Variants in ATG7 observed in about 807,000 individuals in gnomAD.
ATG7 encodes ubiquitin-like modifier-activating enzyme ATG7.
Under a neutral mutation model 82.4 loss-of-function variants are expected in ATG7, and 70 were observed. The observed-to-expected ratio is 0.85, with a 90% CI of 0.70 to 1.04. The LOEUF is 1.04. Among genes scored for constraint, ATG7 ranks in the 50% least tolerant of loss-of-function variants. The pLI, the probability that ATG7 is intolerant of heterozygous loss-of-function variation, is 0.00. For synonymous variants in ATG7, 287 were observed against 313.0 expected (o/e 0.92, Z 0.88); for missense variants, 792 against 864.3 (o/e 0.92, Z 1.05).
At chr3:11,442,755 A>C (rs943586640) in intron 20 of ATG7, among the ~76,000 whole-genome samples, 3 of 145,352 alleles carry the variant, frequency 2.1e-5, no homozygotes, top group African/African-American at 5.3e-5. Flanking sequence ...AAAAAAAAAA[A>C]AAAAAAAAAA....
At chr3:11,421,440 ACT>A (rs2081936864) in intron 19 of ATG7, among the ~76,000 whole-genome samples, 1 of 152,076 alleles carries the variant, frequency 6.6e-6, no homozygotes, top group East Asian at 1.9e-4. Context: ...TCTAGAAACC[ACT>A]CTCTTTGCTT....
intron 20 of ATG7, among the ~76,000 whole-genome samples, chr3:11,483,843 T>A (rs2089306070): frequency 6.6e-6 from 1 of 152,178 alleles, no homozygotes; most frequent in Admixed American, 6.5e-5. Context: ...ATTGGCACAA[T>A]GTTTATTCCT....
intron 20 of ATG7, among the ~76,000 whole-genome samples, chr3:11,464,259 C>T (rs1291491102): frequency 6.6e-6 from 1 of 152,210 alleles, no homozygotes; most frequent in South Asian, 2.1e-4. Context: ...GAAGTCCCAG[C>T]TACTTGGGAG....
chr3:11,321,732 A>C (rs577093189), intron 9 of ATG7, among the ~76,000 whole-genome samples: 1 of 152,218 alleles, frequency 6.6e-6, no homozygotes, highest in Non-Finnish European at 1.5e-5. Flanking sequence ...GTGTATAAGC[A>C]TACAGTAACA....
intron 20 of ATG7, among the ~76,000 whole-genome samples, chr3:11,532,190 G>C (rs1031325882): frequency 1.3e-5 from 2 of 152,168 alleles, no homozygotes; most frequent in Non-Finnish European, 2.9e-5. Context: ...CGTGTATTGA[G>C]TATGATTTCT....
Position 11,493,422 on chromosome 3 carries a change from G to T in ATG7, c.2080-61389G>T, listed in dbSNP as rs114156307. On this transcript the variant is annotated intron_variant, in intron 20 of 20. Coordinates refer to ENST00000693202, the MANE Select transcript of ATG7 (RefSeq NM_001349232.2). ...GTTTTGCAAAAGGCAACATTCAATT[G>T]GTAAAAAGACATTATTCAGAAAGAA... Among the ~76,000 whole-genome samples, 1,283 of 152,256 alleles carry T rather than the reference G, an allele frequency of 8.4e-3. 13 individuals carry two copies. The highest frequency in any genetic ancestry group is 0.011 in the Admixed American group (162 of 15,294).
intron 19 of ATG7, among the ~76,000 whole-genome samples, chr3:11,410,876 T>C (rs531164529): frequency 6.6e-6 from 1 of 152,362 alleles, no homozygotes; most frequent in East Asian, 1.9e-4. Context: ...TACATGAGTG[T>C]ACAACTATTT....
intron 14 of ATG7, among the ~76,000 whole-genome samples, chr3:11,356,549 TAG>T (rs977963243): frequency 2.0e-5 from 3 of 152,194 alleles, no homozygotes; most frequent in Admixed American, 2.0e-4. Flanking sequence ...TTTTAGCAAG[TAG>T]AGATTTATTT....
Position 11,332,984 on chromosome 3 carries a change from C to T in ATG7, c.780C>T (p.Phe260=), listed in dbSNP as rs747440121. Residue 260 remains phenylalanine, a synonymous_variant, in exon 11 of 21, where the codon TTC becomes TTT. Transcript: ENST00000693202. ...GGCATGACAACAGGAGTAGCAGTTTCCAGTCTGTTGAAGTTGTTTGCTTCC... is the reference window on the plus strand; with the variant it reads ...GGCATGACAACAGGAGTAGCAGTTTTCAGTCTGTTGAAGTTGTTTGCTTCC... The part of the protein sequence containing the change: ...VLAAHRWSSS[F]QSVEVVCFRD... 6.5e-7 allele frequency: 1 copy of T among 1,544,848 alleles called. No individual in the cohort carries two copies. The highest frequency in any genetic ancestry group is 8.7e-7 in the Non-Finnish European group (1 of 1,146,234).
chr3:11,568,470 A>T, the ATG7 span: 1 of 1,259,578 alleles, frequency 7.9e-7, no homozygotes, highest in Non-Finnish European at 1.1e-6. This position sits in a 1 kb window ranked among gnomAD's most constrained non-coding sequence, Gnocchi z 5.9. Flanking sequence ...GGGGACTTCC[A>T]GGCCCACTAA....
At chr3:11,465,771 A>G (rs1487824918) in intron 20 of ATG7, among the ~76,000 whole-genome samples, 1 of 151,996 alleles carries the variant, frequency 6.6e-6, no homozygotes, top group Non-Finnish European at 1.5e-5. Context: ...TCAAAAAAAT[A>G]AAAATAAAAA....
At chr3:11,395,990 A>T (rs2079232594) in intron 19 of ATG7, among the ~76,000 whole-genome samples, 1 of 147,024 alleles carries the variant, frequency 6.8e-6, no homozygotes, top group Non-Finnish European at 1.5e-5. Context: ...AGTAAAAGTG[A>T]AGGTATTAAA....
chr3:11,347,579 T>C (rs578026798), intron 13 of ATG7, among the ~76,000 whole-genome samples: 27 of 152,346 alleles, frequency 1.8e-4, no homozygotes, highest in African/African-American at 4.6e-4. Flanking sequence ...ACAATTCTTA[T>C]GGGATTCACC....
intron 19 of ATG7, among the ~76,000 whole-genome samples, chr3:11,418,058 G>A (rs186359517): frequency 6.6e-5 from 10 of 151,098 alleles, no homozygotes; most frequent in East Asian, 3.9e-4. Context: ...TTATCCACCC[G>A]CCTCGGCCTC....
At chr3:11,575,872 T>A in the ATG7 span, among the ~76,000 whole-genome samples, 10 of 152,328 alleles carry the variant, frequency 6.6e-5, no homozygotes, top group African/African-American at 1.7e-4. Context: ...TGGCAATGTG[T>A]GCAGGCTTTC....
In ATG7 at chr3:11,447,831, G is replaced by A. The variant is rs539498897; in HGVS notation, c.2079+20905G>A. 2.6e-5 allele frequency among the ~76,000 whole-genome samples: 4 copies of A among 152,284 alleles called. No individual in the cohort carries two copies. The South Asian group carries it at 8.3e-4, about 32-fold the overall frequency. ...ATTGGCCAGCCTGGGCCAGGGGCAG[G>A]TCATACTGATTGGCAGCCTCCCTCA... On this transcript the variant is annotated intron_variant, in intron 20 of 20. Coordinates refer to ENST00000693202, the MANE Select transcript of ATG7 (RefSeq NM_001349232.2).
chr3:11,558,218 C>A, downstream of ATG7: 1 of 376,828 alleles, frequency 2.7e-6, no homozygotes, highest in Non-Finnish European at 4.8e-6. Context: ...ACCAATTCAT[C>A]ATGGCTTGTG....
intron 20 of ATG7, among the ~76,000 whole-genome samples, chr3:11,545,516 G>T (rs2071204202): frequency 6.6e-6 from 1 of 152,150 alleles, no homozygotes; most frequent in Admixed American, 6.5e-5. Flanking sequence ...GCTCTTTCCT[G>T]CCCCTGCCAG....
At chr3:11,442,238 T>C (rs2084047707) in intron 20 of ATG7, among the ~76,000 whole-genome samples, 1 of 152,184 alleles carries the variant, frequency 6.6e-6, no homozygotes, top group South Asian at 2.1e-4. Context: ...GGTGGTCTTA[T>C]GGAAGGGAGC....
Sources: gnomAD v4.1 joint callset for allele counts (sites outside exome capture counted in the v4.1 genomes callset) on GRCh38, gnomAD v4.1.1 for gene constraint, Gnocchi (gnomAD v3.1) non-coding constraint, MANE v1.5 for transcripts, NCBI Gene and HGNC (gene_info 2026-07-23, HGNC 2026-07-21) for gene names.